The following DDC variants were observed in gnomAD, a reference collection of about 807,000 sequenced individuals.
The protein encoded by DDC is aromatic-L-amino-acid decarboxylase.
DDC carries 43 observed loss-of-function variants against 60.0 expected under a neutral mutation model. That is an observed-to-expected ratio of 0.72 (90% CI 0.56 to 0.92). DDC has a LOEUF of 0.92. Among genes scored for constraint, DDC ranks in the 40% least tolerant of loss-of-function variants. DDC has a pLI of 0.00. For missense variants in DDC, 573 were observed against 620.2 expected, an observed-to-expected ratio of 0.92 and a Z score of 0.81; for synonymous variants, 232 against 234.6, an observed-to-expected ratio of 0.99 and a Z score of 0.10.
intron 6 of DDC, among the ~76,000 whole-genome samples, chr7:50,507,363 G>A (rs757284047): frequency 5.9e-5 from 9 of 151,974 alleles, no homozygotes; most frequent in Non-Finnish European, 1.2e-4. Context: ...TCAGTCTCCC[G>A]AGTAGCTGGG....
intron 1 of DDC, among the ~76,000 whole-genome samples, chr7:50,557,850 C>G (rs1403727572): frequency 6.6e-6 from 1 of 152,216 alleles, no homozygotes; most frequent in African/African-American, 2.4e-5. Flanking sequence ...TGGAATGATA[C>G]AGAAATGTCA....
At chr7:50,544,171 G>T in intron 1 of DDC, 58 bp from the exon 2 acceptor site, 2 of 1,350,968 alleles carry the variant, frequency 1.5e-6, no homozygotes, top group Non-Finnish European at 2.1e-6. Context: ...TGGAAGGCGG[G>T]GATACCAAGC....
intron 9 of DDC, among the ~76,000 whole-genome samples, chr7:50,483,152 T>TC: frequency 6.6e-6 from 1 of 152,198 alleles, no homozygotes; most frequent in African/African-American, 2.4e-5. Flanking sequence ...TTTTGGTAGT[T>TC]ACCTTTTATC....
At position 50,499,259 on chromosome 7, in the gene DDC, A is replaced by G. The variant is rs754718420; in HGVS notation, c.782-17T>C. 6.3e-7 allele frequency: 1 copy of G among 1,589,260 alleles called. No homozygotes were observed. Among genetic ancestry groups the G allele is most frequent in the Non-Finnish European group, 8.6e-7 (1 of 1,160,456 alleles). ...CCTTGTTGCCTAAAGTTCAGAATCA[A>G]CTTGTGAGTCCCCAGATGGATGCCT... is the stretch of plus-strand genomic sequence containing the variant. On this transcript the variant is annotated splice_polypyrimidine_tract_variant and intron_variant, in intron 7 of 14. Coordinates refer to ENST00000444124, the MANE Select transcript of DDC (RefSeq NM_001082971.2).
intron 4 of DDC, among the ~76,000 whole-genome samples, chr7:50,531,066 C>T (rs981209805): frequency 5.9e-5 from 9 of 152,122 alleles, no homozygotes; most frequent in African/African-American, 1.7e-4. Context: ...CAGATATATG[C>T]GTCTCTTAAT....
At chr7:50,511,084 C>A (rs184350764) in intron 6 of DDC, among the ~76,000 whole-genome samples, 14,086 of 129,236 alleles carry the variant, frequency 0.11, 879 homozygotes, top group South Asian at 0.15. Flanking sequence ...CACACACACA[C>A]AAAATAATAT....
At chr7:50,561,767 G>A (rs1294510870) in intron 1 of DDC, among the ~76,000 whole-genome samples, 1 of 152,056 alleles carries the variant, frequency 6.6e-6, no homozygotes. Flanking sequence ...CTAGGAAAGG[G>A]GCCTGGGCTT....
chr7:50,525,570 C>G (rs921174356), intron 6 of DDC, among the ~76,000 whole-genome samples: 1 of 152,062 alleles, frequency 6.6e-6, no homozygotes, highest in African/African-American at 2.4e-5. Flanking sequence ...TCGAGACCAG[C>G]TTGGCCAACA....
At chr7:50,485,685 T>C (rs1287195545) in intron 9 of DDC, among the ~76,000 whole-genome samples, 2 of 152,246 alleles carry the variant, frequency 1.3e-5, no homozygotes, top group African/African-American at 2.4e-5. Context: ...ATCTGTGTTC[T>C]ATTGTGTTAA....
intron 9 of DDC, among the ~76,000 whole-genome samples, chr7:50,481,523 C>A (rs532020901): frequency 6.6e-6 from 1 of 152,208 alleles, no homozygotes; most frequent in Admixed American, 6.5e-5. Flanking sequence ...TCAGCAGGGG[C>A]CTTCCAGCTG....
rs368090569 is a variant in DDC at position 50,495,438 on chromosome 7, G to T, written c.877-21C>A. ...GCAAACTGCCAAAGAACAAGAGTAA[G>T]AAAAAGAAAACATTTTCTTTATAAA... On this transcript the variant is annotated intron_variant, in intron 8 of 14. Coordinates refer to ENST00000444124, the MANE Select transcript of DDC (RefSeq NM_001082971.2). 3.2e-6 allele frequency: 5 copies of T among 1,566,522 alleles called. No individual in the cohort carries two copies. In the African/African-American group the frequency reaches 5.4e-5, roughly 17 times the overall value.
intron 1 of DDC, among the ~76,000 whole-genome samples, chr7:50,545,230 G>A (rs911391885): frequency 1.3e-5 from 2 of 152,184 alleles, no homozygotes; most frequent in Non-Finnish European, 2.9e-5. Context: ...TCTCCACTAC[G>A]CTACACATAT....
At chr7:50,555,964 G>A (rs1340208879) in intron 1 of DDC, among the ~76,000 whole-genome samples, 1 of 152,216 alleles carries the variant, frequency 6.6e-6, no homozygotes, top group Non-Finnish European at 1.5e-5. Flanking sequence ...CATGGCTTAA[G>A]TAACTTCAGG....
intron 6 of DDC, among the ~76,000 whole-genome samples, chr7:50,507,707 AT>A (rs200802937): frequency 2.6e-5 from 4 of 151,984 alleles, no homozygotes; most frequent in Non-Finnish European, 2.9e-5. Flanking sequence ...GTAATTACTG[AT>A]TTTTTTTGTT....
At chr7:50,476,679 G>T (rs757122493) in intron 10 of DDC, 36 bp from the exon 11 acceptor site, 1 of 1,590,108 alleles carries the variant, frequency 6.3e-7, no homozygotes. Context: ...AAAAGAAATC[G>T]TTAGACAGGT....
intron 9 of DDC, among the ~76,000 whole-genome samples, chr7:50,489,977 G>C (rs2042965592): frequency 6.6e-6 from 1 of 152,188 alleles, no homozygotes; most frequent in African/African-American, 2.4e-5. Flanking sequence ...CTTTATTAGA[G>C]TTTATTGTTT....
chr7:50,497,136 T>C (rs2043143562), intron 8 of DDC, among the ~76,000 whole-genome samples: 1 of 152,202 alleles, frequency 6.6e-6, no homozygotes, highest in Admixed American at 6.5e-5. Flanking sequence ...AGAAAGGCTC[T>C]TATCTCCAAG....
Position 50,528,281 on chromosome 7 carries a change from C to T in DDC, c.571-1G>A. ...CAGCTCTTTCCACTGAGGAGTGTGC[C>T]TGGAAAGAAGACAGCAGAGTTGGAT... On this transcript the variant is annotated splice_acceptor_variant, in intron 5 of 14. Coordinates refer to ENST00000444124, the MANE Select transcript of DDC (RefSeq NM_001082971.2). LOFTEE classifies it high-confidence loss of function. 6.2e-7 allele frequency: 1 copy of T among 1,614,020 alleles called. No homozygotes were observed. The highest frequency in any genetic ancestry group is 8.5e-7 in the Non-Finnish European group (1 of 1,179,974).
At position 50,528,371 on chromosome 7, in the gene DDC, A is replaced by C. The variant is rs761408965; in HGVS notation, c.571-91T>G. Reference sequence around the variant, plus strand: ...ATCGGCAGAGAGCAGCCAACATTGCAAACACAAGGTCCCTCTTAACGGCAC... The same window carrying C: ...ATCGGCAGAGAGCAGCCAACATTGCCAACACAAGGTCCCTCTTAACGGCAC... On this transcript the variant is annotated intron_variant, in intron 5 of 14. Transcript: ENST00000444124. 17 of 1,527,424 alleles carry C rather than the reference A, an allele frequency of 1.1e-5. 1 individual carries two copies. Among genetic ancestry groups the C allele is most frequent in the Middle Eastern group, 4.0e-4 (2 of 5,016 alleles). The allele number at this position is 1,527,424 out of a possible 1,614,324, so 94.6% of individuals were successfully genotyped here.
Sources: gnomAD v4.1 joint callset for allele counts (sites outside exome capture counted in the v4.1 genomes callset) on GRCh38, gnomAD v4.1.1 for gene constraint, MANE v1.5 for transcripts, NCBI Gene and HGNC (gene_info 2026-07-23, HGNC 2026-07-21) for gene names.